CMIP: variants seen among roughly 807,000 people sequenced by gnomAD.
The protein encoded by CMIP is C-Maf-inducing protein.
In CMIP, 13 loss-of-function variants were observed where a neutral mutation model predicts 97.3. That is an observed-to-expected ratio of 0.13 (90% CI 0.09 to 0.21). The LOEUF (loss-of-function observed/expected upper bound fraction) is 0.21, where lower values mean the gene tolerates loss of function less well. CMIP is among the 10% of genes least tolerant of loss of function. The pLI is 1.00. For missense variants in CMIP, 847 were observed against 1,024.9 expected (o/e 0.83, Z 2.37); for synonymous variants, 538 against 436.3 (o/e 1.23, Z -2.91).
chr16:81,653,109 G>T (rs937284214), intron 4 of CMIP, among the ~76,000 whole-genome samples: 4 of 152,172 alleles, frequency 2.6e-5, no homozygotes, highest in African/African-American at 4.8e-5. Context: ...TATTCTAGGC[G>T]CTTTACAAAT....
At chr16:81,454,765 G>C (rs1906442538) in intron 1 of CMIP, among the ~76,000 whole-genome samples, 1 of 152,204 alleles carries the variant, frequency 6.6e-6, no homozygotes, top group South Asian at 2.1e-4. Context: ...TGCTTAGAGA[G>C]GTTTATGTCT....
intron 4 of CMIP, 111 bp from the exon 5 acceptor site, chr16:81,657,664 G>C: frequency 1.2e-6 from 1 of 861,400 alleles, no homozygotes; most frequent in Non-Finnish European, 1.8e-6. Context: ...GTGACAGTTG[G>C]TCTGTGACGC....
rs760822146 is a variant in CMIP, at chr16:81,620,920, A to G, written c.471A>G (p.Gln157=). The G allele has an allele frequency of 4.3e-6, 7 of 1,613,616 alleles. No individual in the cohort carries two copies. The Admixed American group carries it at 1.0e-4, about 23-fold the overall frequency. Residue 157 remains glutamine, a synonymous_variant, in exon 3 of 21, where the codon CAA becomes CAG. Transcript: ENST00000537098. ...YLRDQWFHSL[Q]WKKKIYKYKK... Reference sequence around the variant, plus strand: ...GAGACCAGTGGTTCCATTCTCTGCAATGGAAGGTAAGTACTGACTCGGTTG... The same window carrying G: ...GAGACCAGTGGTTCCATTCTCTGCAGTGGAAGGTAAGTACTGACTCGGTTG...
chr16:81,461,666 C>T (rs978260777), intron 1 of CMIP, among the ~76,000 whole-genome samples: 8 of 152,148 alleles, frequency 5.3e-5, no homozygotes, highest in Non-Finnish European at 8.8e-5. Flanking sequence ...CCAGGGTGTT[C>T]GCTCTTAAGA....
intron 1 of CMIP, among the ~76,000 whole-genome samples, chr16:81,599,100 T>C (rs953125495): frequency 6.6e-6 from 1 of 150,740 alleles, no homozygotes; most frequent in Non-Finnish European, 1.5e-5. Context: ...CCATACAAAA[T>C]AGACACAGTC....
chr16:81,551,102 A>C (rs191397466), intron 1 of CMIP, among the ~76,000 whole-genome samples: 7 of 132,618 alleles, frequency 5.3e-5, no homozygotes, highest in African/African-American at 2.1e-4. Context: ...CCCCAGTTCC[A>C]TCACATATAT....
At chr16:81,693,365 A>G (rs780259494) in intron 12 of CMIP, 74 bp from the exon 13 acceptor site, 20 of 1,563,296 alleles carry the variant, frequency 1.3e-5, no homozygotes, top group Non-Finnish European at 1.7e-5. Flanking sequence ...CCTTGACACC[A>G]TCCCCTCCCC....
chr16:81,637,318 C>G (rs1278308127), intron 3 of CMIP, among the ~76,000 whole-genome samples: 2 of 152,200 alleles, frequency 1.3e-5, no homozygotes, highest in African/African-American at 4.8e-5. Context: ...GGTGATACAC[C>G]TGCCTCGGCC....
chr16:81,466,254 T>A (rs1444744664), intron 1 of CMIP, among the ~76,000 whole-genome samples: 1 of 152,130 alleles, frequency 6.6e-6, no homozygotes, highest in African/African-American at 2.4e-5. Context: ...AGAGATGGGG[T>A]TTTGCCATCT....
At chr16:81,540,026 A>G (rs1220990853) in intron 1 of CMIP, among the ~76,000 whole-genome samples, 1 of 152,226 alleles carries the variant, frequency 6.6e-6, no homozygotes, top group East Asian at 1.9e-4. Context: ...ATGGCAGTGA[A>G]CGAAGCCGAA....
chr16:81,452,539 C>G (rs1440297149), intron 1 of CMIP, among the ~76,000 whole-genome samples: 1 of 152,006 alleles, frequency 6.6e-6, no homozygotes, highest in Non-Finnish European at 1.5e-5. Context: ...GAAAAGCAAG[C>G]AGGGTGGGGC....
At chr16:81,648,815 A>G (rs1437077132) in intron 3 of CMIP, among the ~76,000 whole-genome samples, 2 of 128,092 alleles carry the variant, frequency 1.6e-5, no homozygotes, top group Admixed American at 8.1e-5. Flanking sequence ...AAAAAAAAAA[A>G]AAAAAGCCCT....
intron 3 of CMIP, chr16:81,651,352 ACT>A (rs1035415194): frequency 6.6e-5 from 58 of 874,440 alleles, no homozygotes; most frequent in Non-Finnish European, 7.5e-5. Flanking sequence ...GGCGGAACTA[ACT>A]CTGCCTCAAA....
chr16:81,550,445 C>A (rs1406747763), intron 1 of CMIP, among the ~76,000 whole-genome samples: 1 of 152,186 alleles, frequency 6.6e-6, no homozygotes. Context: ...GGTCGCAGGG[C>A]TTTAGTTGCT....
intron 17 of CMIP, among the ~76,000 whole-genome samples, chr16:81,703,578 CACACAGATAT>C (rs1040627755): frequency 6.6e-6 from 1 of 150,888 alleles, no homozygotes; most frequent in African/African-American, 2.4e-5. Flanking sequence ...CACACAGACA[CACACAGATAT>C]ACACACATAC....
At chr16:81,454,249 C>T (rs952307380) in intron 1 of CMIP, among the ~76,000 whole-genome samples, 1 of 152,212 alleles carries the variant, frequency 6.6e-6, no homozygotes, top group Admixed American at 6.5e-5. Context: ...ATTTAATTTT[C>T]ACAACAATCC....
chr16:81,531,906 C>T (rs1345884760), intron 1 of CMIP, among the ~76,000 whole-genome samples: 1 of 152,218 alleles, frequency 6.6e-6, no homozygotes, highest in Non-Finnish European at 1.5e-5. Context: ...TTAGAAATGG[C>T]TCATAAATTT....
At chr16:81,625,240 C>T (rs1446219863) in intron 3 of CMIP, among the ~76,000 whole-genome samples, 4 of 152,270 alleles carry the variant, frequency 2.6e-5, no homozygotes, top group Admixed American at 2.6e-4. Context: ...TCTCCCAGCC[C>T]ATGGCTGCTC....
chr16:81,705,138 C>T (rs1035150742), intron 18 of CMIP, among the ~76,000 whole-genome samples: 26 of 152,238 alleles, frequency 1.7e-4, no homozygotes, highest in Non-Finnish European at 3.2e-4. Context: ...ACAGTCCCTG[C>T]AGCCTGCCCC....
Sources: gnomAD v4.1 joint callset for allele counts (sites outside exome capture counted in the v4.1 genomes callset) on GRCh38, gnomAD v4.1.1 for gene constraint, MANE v1.5 for transcripts, NCBI Gene and HGNC (gene_info 2026-07-23, HGNC 2026-07-21) for gene names.